Variants in LAMC3 observed in about 807,000 individuals in gnomAD.
LAMC3 encodes laminin subunit gamma 3, also known as laminin subunit gamma-3.
In LAMC3, 128 loss-of-function variants were observed where a neutral mutation model predicts 173.8. The observed-to-expected ratio is 0.74, with a 90% confidence interval of 0.64 to 0.85. The LOEUF is 0.85. Among genes scored for constraint, LAMC3 ranks in the 40% least tolerant of loss-of-function variants. LAMC3 has a pLI of 0.00. For synonymous variants in LAMC3, 897 were observed against 909.1 expected (o/e 0.99, Z 0.24); for missense variants, 2,022 against 2,156.0 (o/e 0.94, Z 1.23).
chr9:131,067,670 C>T (rs1467128338), intron 14 of LAMC3, among the ~76,000 whole-genome samples: 1 of 152,200 alleles, frequency 6.6e-6, no homozygotes, highest in Non-Finnish European at 1.5e-5. Flanking sequence ...TGCTCACTCT[C>T]GCTTTGTGGA....
Position 131,091,540 on chromosome 9 carries a change from C to T in LAMC3, c.4481C>T (p.Ser1494Leu), listed in dbSNP as rs573955539. The change falls in exon 28 of 28, where the codon TCG becomes TTG. Residue 1494 changes from serine (S) to leucine (L), a missense_variant. Coordinates refer to ENST00000361069, the MANE Select transcript of LAMC3 (RefSeq NM_006059.4). Reference protein sequence around the residue: ...TLSELLARLGSLDTHQAPAQA... With the variant: ...TLSELLARLGLLDTHQAPAQA... ...GGCTGTTTGTGCCCCACCACAGGGT[C>T]GCTGGACACCCATCAAGCCCCAGCC... The T allele has an allele frequency of 2.3e-5, 37 of 1,579,146 alleles. No homozygotes were observed. The South Asian group carries it at 3.0e-4, about 13-fold the overall frequency.
At chr9:131,051,361 C>T (rs1243655048) in intron 9 of LAMC3, among the ~76,000 whole-genome samples, 2 of 99,580 alleles carry the variant, frequency 2.0e-5, no homozygotes, top group Non-Finnish European at 1.9e-5. Context: ...TGAATTTTAC[C>T]ATTCTTTTTT....
rs6597675 is a variant in LAMC3 at position 131,087,671 on chromosome 9, C to T, written c.4378-47C>T. The T allele has an allele frequency of 3.1e-4, 506 of 1,613,668 alleles. 1 individual carries two copies. The highest frequency in any genetic ancestry group is 8.3e-4 in the Middle Eastern group (5 of 6,060). The stretch of plus-strand genomic sequence containing the variant: ...CTATCGCCTCCTGCCCCTGGCAGCC[C>T]GGGTGGGGACGCCATTCAAGCTGTT... On this transcript the variant is annotated intron_variant, in intron 26 of 27. Coordinates refer to ENST00000361069, the MANE Select transcript of LAMC3 (RefSeq NM_006059.4).
At chr9:131,070,703 G>A (rs986700640) in intron 17 of LAMC3, among the ~76,000 whole-genome samples, 3 of 151,954 alleles carry the variant, frequency 2.0e-5, no homozygotes, top group Admixed American at 6.6e-5. Context: ...GACAGAGCAA[G>A]ACTCTGTCTA....
chr9:131,022,959 ACAACCACCTGTCTCCTTC>A (rs925554349), intron 1 of LAMC3, among the ~76,000 whole-genome samples: 75 of 151,672 alleles, frequency 4.9e-4, no homozygotes, highest in African/African-American at 1.7e-3. Flanking sequence ...CTATCCTGTG[ACAACCACCTGTCTCCTTC>A]CTGTCTCTGT....
At chr9:131,076,134 G>A (rs953201167) in intron 21 of LAMC3, among the ~76,000 whole-genome samples, 169 bp downstream of exon 21, 10 of 152,128 alleles carry the variant, frequency 6.6e-5, no homozygotes, top group Admixed American at 6.5e-4. Flanking sequence ...AGGGTCTTGG[G>A]CCCACTCGGT....
At chr9:131,045,234 A>AC (rs1554786019) in intron 7 of LAMC3, among the ~76,000 whole-genome samples, 125 of 90,432 alleles carry the variant, frequency 1.4e-3, no homozygotes, top group African/African-American at 4.4e-3. Flanking sequence ...AAAAAAAAAA[A>AC]AACAACAACA....
intron 1 of LAMC3, among the ~76,000 whole-genome samples, chr9:131,024,791 G>A (rs751382625): frequency 3.3e-5 from 5 of 152,160 alleles, no homozygotes; most frequent in Admixed American, 6.5e-5. Context: ...CCAAAGAGAC[G>A]CCCGGTGCCG....
chr9:131,029,585 A>G lies in LAMC3; in HGVS notation c.679-2460A>G, dbSNP rs1053209092. 6.6e-6 allele frequency among the ~76,000 whole-genome samples: 1 copy of G among 152,208 alleles called. No homozygotes were observed. The highest frequency in any genetic ancestry group is 1.5e-5 in the Non-Finnish European group (1 of 68,038). ...GAGCAGGACAAAGAGAGGCAAGTCT[A>G]CCTTGCTCTTTTCTCCTCATGCTCC... On this transcript the variant is annotated intron_variant, in intron 2 of 27. Coordinates refer to ENST00000361069, the MANE Select transcript of LAMC3 (RefSeq NM_006059.4). This position sits in a 1 kb window ranked among gnomAD's most constrained non-coding sequence, Gnocchi z 4.6.
intron 23 of LAMC3, among the ~76,000 whole-genome samples, chr9:131,080,612 G>A (rs541220888): frequency 6.6e-6 from 1 of 152,184 alleles, no homozygotes; most frequent in African/African-American, 2.4e-5. Flanking sequence ...GGATAAGGGG[G>A]CTGTCTGTGA....
intron 14 of LAMC3, 79 bp downstream of exon 14, chr9:131,067,284 G>T (rs1324538305): frequency 5.3e-5 from 84 of 1,583,368 alleles, no homozygotes; most frequent in Non-Finnish European, 2.4e-5. Context: ...CCCAGAAGGG[G>T]TGGCTGAGGA....
At chr9:131,064,523 C>A (rs1185543739) in intron 13 of LAMC3, among the ~76,000 whole-genome samples, 3 of 151,852 alleles carry the variant, frequency 2.0e-5, no homozygotes, top group Admixed American at 1.3e-4. Flanking sequence ...ATTAGCCGGG[C>A]GAGGTGGCGG....
chr9:131,060,363 G>A (rs2133297420), intron 12 of LAMC3, among the ~76,000 whole-genome samples: 1 of 152,298 alleles, frequency 6.6e-6, no homozygotes, highest in South Asian at 2.1e-4. Context: ...AACAGTGCTG[G>A]CCGGGCACGG....
chr9:131,010,814 C>G (rs1173674767), intron 1 of LAMC3, among the ~76,000 whole-genome samples: 1 of 152,200 alleles, frequency 6.6e-6, no homozygotes, highest in African/African-American at 2.4e-5. Context: ...AATCTGGAGT[C>G]TGGACCCAGC....
intron 1 of LAMC3, among the ~76,000 whole-genome samples, chr9:131,022,418 A>T (rs1187130146): frequency 6.6e-6 from 1 of 152,002 alleles, no homozygotes; most frequent in African/African-American, 2.4e-5. Flanking sequence ...CCACAATAAC[A>T]TACATAGTAT....
chr9:131,020,438 G>A (rs1833605813), intron 1 of LAMC3, among the ~76,000 whole-genome samples: 1 of 152,192 alleles, frequency 6.6e-6, no homozygotes, highest in South Asian at 2.1e-4. Flanking sequence ...TTGGCACTAA[G>A]TCTAAGCCCC....
rs756725535 is a variant in LAMC3 at position 131,052,473 on chromosome 9, T to A, written c.1631-18T>A. On this transcript the variant is annotated intron_variant, in intron 9 of 27. Transcript: ENST00000361069. ...TAACCATATGAAGACTGTCAAAGCC[T>A]TCTTCTCTTGTCTTCAGAGAAGTTC... 1 of 1,604,850 alleles carries A rather than the reference T, an allele frequency of 6.2e-7. No homozygotes were observed. Among genetic ancestry groups the A allele is most frequent in the African/African-American group, 1.3e-5 (1 of 74,774 alleles).
At chr9:131,032,608 C>CTTTCTCACTCGCTT (rs1564368508) in intron 3 of LAMC3, among the ~76,000 whole-genome samples, 8 of 138,696 alleles carry the variant, frequency 5.8e-5, no homozygotes, top group African/African-American at 2.7e-4. Flanking sequence ...CGCTTTCTCT[C>CTTTCTCACTCGCTT]TCTCTCTCTC....
At position 131,077,344 on chromosome 9, in the gene LAMC3, G is replaced by T; in HGVS notation, c.3777+10G>T. The T allele has an allele frequency of 6.2e-7, 1 of 1,613,508 alleles. No individual in the cohort carries two copies. On this transcript the variant is annotated intron_variant, in intron 22 of 27. Transcript: ENST00000361069. ...TTCCCCGGGAGCTCTGGTCAGCTCAGTTGTCTCAGAGCTCCGTGTGGGGTC... is the reference window on the plus strand; with the variant it reads ...TTCCCCGGGAGCTCTGGTCAGCTCATTTGTCTCAGAGCTCCGTGTGGGGTC...
Sources: allele counts gnomAD v4.1 joint callset (sites outside exome capture counted in the v4.1 genomes callset), GRCh38; gene constraint gnomAD v4.1.1; non-coding constraint Gnocchi (gnomAD v3.1); transcripts MANE v1.5; gene names NCBI Gene and HGNC (gene_info 2026-07-23, HGNC 2026-07-21).